HYDIN: variants seen among roughly 807,000 people sequenced by gnomAD.
The protein encoded by HYDIN is axonemal central pair apparatus protein HYDIN.
A neutral mutation model predicts 403.9 loss-of-function variants in HYDIN; 132 were observed. The observed-to-expected ratio is 0.33, with a 90% CI of 0.28 to 0.38. The LOEUF (loss-of-function observed/expected upper bound fraction) is 0.38. Among genes scored for constraint, HYDIN ranks in the 10% least tolerant of loss-of-function variants. HYDIN has a pLI of 1.00. For missense variants in HYDIN, 2,827 were observed against 5,009.5 expected (o/e 0.56, Z 13.15); for synonymous variants, 1,202 against 1,891.7 (o/e 0.64, Z 9.46).
At chr16:71,065,881 A>G (rs1322680965) in intron 15 of HYDIN, among the ~76,000 whole-genome samples, 1 of 152,214 alleles carries the variant, frequency 6.6e-6, no homozygotes, top group Non-Finnish European at 1.5e-5. Context: ...AGAGTCAGTG[A>G]GTAGTTCCTA....
At chr16:71,141,272 A>G (rs1417817194) in intron 7 of HYDIN, among the ~76,000 whole-genome samples, 1 of 151,430 alleles carries the variant, frequency 6.6e-6, no homozygotes, top group Non-Finnish European at 1.5e-5. Context: ...TTGTTAGGAC[A>G]ACTTCATAGC....
At chr16:70,932,872 T>C (rs1204140355) in intron 45 of HYDIN, among the ~76,000 whole-genome samples, 1 of 151,960 alleles carries the variant, frequency 6.6e-6, no homozygotes, top group Non-Finnish European at 1.5e-5. Flanking sequence ...AGGGGTAAAA[T>C]ACACACCTTT....
chr16:70,992,304 T>G, intron 23 of HYDIN, 94 bp from the exon 24 acceptor site: 1 of 1,477,138 alleles, frequency 6.8e-7, no homozygotes, highest in Non-Finnish European at 8.9e-7. Context: ...AAGGCCAAAC[T>G]CCAAATCCTA....
chr16:70,991,967 G>C, intron 24 of HYDIN, 103 bp downstream of exon 24: 1 of 1,573,126 alleles, frequency 6.4e-7, no homozygotes, highest in South Asian at 1.2e-5. Flanking sequence ...CTGTTGACTG[G>C]GTACTGGATG....
At chr16:70,943,631 C>T (rs1379563240) in intron 42 of HYDIN, among the ~76,000 whole-genome samples, 181 bp downstream of exon 42, 2 of 152,196 alleles carry the variant, frequency 1.3e-5, no homozygotes, top group African/African-American at 2.4e-5. Flanking sequence ...TGAATGGCTT[C>T]AGGCTGTAGA....
intron 41 of HYDIN, among the ~76,000 whole-genome samples, chr16:70,947,353 C>T (rs776291097): frequency 4.4e-3 from 666 of 150,774 alleles, no homozygotes; most frequent in Non-Finnish European, 8.3e-3. Context: ...TACTGATTTG[C>T]GTATATTGAA....
At chr16:70,951,467 C>A (rs1046601906) in intron 41 of HYDIN, among the ~76,000 whole-genome samples, 1 of 152,108 alleles carries the variant, frequency 6.6e-6, no homozygotes, top group Non-Finnish European at 1.5e-5. Context: ...TCGTTGCTTC[C>A]CTCAAAAGAC....
chr16:71,191,879 T>C (rs1047438198), intron 1 of HYDIN, among the ~76,000 whole-genome samples: 2 of 152,204 alleles, frequency 1.3e-5, no homozygotes, highest in Non-Finnish European at 2.9e-5. Flanking sequence ...ATTCACACAA[T>C]TGCCCATATC....
intron 20 of HYDIN, among the ~76,000 whole-genome samples, chr16:71,026,614 A>T (rs1199051339): frequency 6.6e-6 from 1 of 152,214 alleles, no homozygotes; most frequent in African/African-American, 2.4e-5. Context: ...GTATACACAC[A>T]ATAAAAGTTG....
intron 6 of HYDIN, among the ~76,000 whole-genome samples, chr16:71,154,236 C>A (rs2085662070): frequency 6.6e-6 from 1 of 151,350 alleles, no homozygotes; most frequent in South Asian, 2.1e-4. Flanking sequence ...TCTACTTGAT[C>A]TCCTCTCTTT....
At chr16:71,050,153 C>A (rs1158969798) in intron 18 of HYDIN, among the ~76,000 whole-genome samples, 1 of 144,392 alleles carries the variant, frequency 6.9e-6, no homozygotes, top group Non-Finnish European at 1.5e-5. Context: ...CTCAAATCCT[C>A]TGATATATTA....
At position 70,872,178 on chromosome 16, in the gene HYDIN, A is replaced by G. The variant is rs752493031; in HGVS notation, c.10950T>C (p.Ala3650=). ...EDNDMEDLVA[A]ALVDHIQFGD... ...CAAATTGGATGTGGTCCACCAGAGC[A>G]GCTAGGGATTAGAAGCAGAAGGCTG... The change falls in exon 65 of 86, where the codon GCT becomes GCC. Residue 3650 remains alanine (A), a splice_region_variant and synonymous_variant. Coordinates refer to ENST00000393567, the MANE Select transcript of HYDIN (RefSeq NM_001270974.2). 7.1e-7 allele frequency: 1 copy of G among 1,415,540 alleles called. No homozygotes were observed. Among genetic ancestry groups the G allele is most frequent in the Admixed American group, 2.0e-5 (1 of 49,294 alleles). The allele number at this position is 1,415,540 out of a possible 1,614,324, so 87.7% of individuals were successfully genotyped here.
At chr16:71,114,500 T>C (rs971775815) in intron 10 of HYDIN, among the ~76,000 whole-genome samples, 1 of 152,058 alleles carries the variant, frequency 6.6e-6, no homozygotes, top group African/African-American at 2.4e-5. Context: ...GTTAAGCAGT[T>C]CCTTTCACTA....
intron 18 of HYDIN, among the ~76,000 whole-genome samples, chr16:71,033,702 G>A (rs554339203): frequency 7.2e-5 from 11 of 152,236 alleles, no homozygotes; most frequent in African/African-American, 2.4e-4. Flanking sequence ...TAGATGGTAG[G>A]TTGATAGGTG....
chr16:71,045,209 T>C (rs1164877249), intron 18 of HYDIN, among the ~76,000 whole-genome samples: 1 of 152,186 alleles, frequency 6.6e-6, no homozygotes, highest in Non-Finnish European at 1.5e-5. Flanking sequence ...ATGCTGGGCA[T>C]ACATCTCTTG....
rs185901541 is a variant in HYDIN, at chr16:70,834,786, T to G, written c.13402-622A>C. 4.1e-3 allele frequency among the ~76,000 whole-genome samples: 628 copies of G among 151,358 alleles called. 4 individuals are homozygous for G. Among genetic ancestry groups the G allele is most frequent in the South Asian group, 7.1e-3 (34 of 4,792 alleles). On this transcript the variant is annotated intron_variant, in intron 78 of 85. Coordinates refer to ENST00000393567, the MANE Select transcript of HYDIN (RefSeq NM_001270974.2). ...TCACTTGAACCCAGGAGGTGGAGATTGCAGTGAGCTGAGATCACACCAGTG... is the reference window on the plus strand; with the variant it reads ...TCACTTGAACCCAGGAGGTGGAGATGGCAGTGAGCTGAGATCACACCAGTG...
intron 20 of HYDIN, among the ~76,000 whole-genome samples, chr16:71,026,113 T>C (rs1222587143): frequency 6.6e-6 from 1 of 152,200 alleles, no homozygotes; most frequent in Non-Finnish European, 1.5e-5. Context: ...TTGGTCAGGC[T>C]GGTCTCGAAC....
chr16:70,931,224 T>TTG (rs1280219048), intron 45 of HYDIN, among the ~76,000 whole-genome samples: 3 of 131,006 alleles, frequency 2.3e-5, no homozygotes, highest in African/African-American at 5.6e-5. Context: ...TTTTTTTTTT[T>TTG]TTTTTTTTTT....
At chr16:71,004,224 G>A (rs1383586305) in intron 23 of HYDIN, among the ~76,000 whole-genome samples, 1 of 151,338 alleles carries the variant, frequency 6.6e-6, no homozygotes, top group Non-Finnish European at 1.5e-5. Flanking sequence ...TGAGGCAGGA[G>A]AATCGCTTGA....
Sources: gnomAD v4.1 joint callset for allele counts (sites outside exome capture counted in the v4.1 genomes callset) on GRCh38, gnomAD v4.1.1 for gene constraint, MANE v1.5 for transcripts, NCBI Gene and HGNC (gene_info 2026-07-23, HGNC 2026-07-21) for gene names.